Variants in MED13L observed in about 807,000 individuals in gnomAD.
MED13L encodes the protein mediator of RNA polymerase II transcription subunit 13-like.
In MED13L, 7 loss-of-function variants were observed where a neutral mutation model predicts 220.9. That is an observed-to-expected ratio of 0.03 (90% CI 0.02 to 0.06). The LOEUF (loss-of-function observed/expected upper bound fraction) is 0.06, where lower values mean the gene tolerates loss of function less well. Ranked by LOEUF, MED13L falls within the 10% of genes least tolerant of loss-of-function variation. MED13L has a pLI of 1.00. For synonymous variants in MED13L, 1,011 were observed against 1,015.2 expected, an observed-to-expected ratio of 1.00 and a Z score of 0.08; for missense variants, 1,965 against 2,760.5, an observed-to-expected ratio of 0.71 and a Z score of 6.46.
At chr12:116,067,356 G>A (rs1405803826) in intron 4 of MED13L, among the ~76,000 whole-genome samples, 2 of 152,110 alleles carry the variant, frequency 1.3e-5, no homozygotes, top group Non-Finnish European at 1.5e-5. Flanking sequence ...CATATATGAA[G>A]TTGGAATTTT....
At chr12:116,100,953 T>C (rs139931729) in intron 3 of MED13L, among the ~76,000 whole-genome samples, 74 of 152,214 alleles carry the variant, frequency 4.9e-4, no homozygotes, top group African/African-American at 1.7e-3. Context: ...TGAAAGCCAC[T>C]ATAAATTCTG....
intron 4 of MED13L, among the ~76,000 whole-genome samples, chr12:116,092,753 G>A (rs1001204660): frequency 2.0e-5 from 3 of 152,108 alleles, no homozygotes; most frequent in Admixed American, 2.0e-4. Context: ...TACTTTCAGT[G>A]TGTATGGGTA....
At chr12:116,053,488 C>T (rs1868684372) in intron 4 of MED13L, among the ~76,000 whole-genome samples, 1 of 152,128 alleles carries the variant, frequency 6.6e-6, no homozygotes, top group South Asian at 2.1e-4. Context: ...GAAAGGAAGG[C>T]TATCCAGGAA....
Position 116,085,365 on chromosome 12 carries a change from G to A in MED13L, c.479+11304C>T, listed in dbSNP as rs144735886. On this transcript the variant is annotated intron_variant, in intron 4 of 30. Coordinates refer to ENST00000281928, the MANE Select transcript of MED13L (RefSeq NM_015335.5). Reference sequence around the variant, plus strand: ...AACCATACAAAACCAATAATTATAAGAATCAAAGATCTCAACCCAATTAGA... The same window carrying A: ...AACCATACAAAACCAATAATTATAAAAATCAAAGATCTCAACCCAATTAGA... Among the ~76,000 whole-genome samples the A allele has an allele frequency of 9.7e-3, 1,471 of 152,144 alleles. 25 individuals are homozygous for A. Among genetic ancestry groups the A allele is most frequent in the African/African-American group, 0.033 (1,380 of 41,516 alleles).
At chr12:115,984,765 C>T (rs1207925016) in intron 19 of MED13L, among the ~76,000 whole-genome samples, 2 of 152,124 alleles carry the variant, frequency 1.3e-5, no homozygotes, top group African/African-American at 4.8e-5. Flanking sequence ...ATAATATTTT[C>T]CCATAAGATA....
chr12:116,276,139 C>T (rs994969808), intron 1 of MED13L, among the ~76,000 whole-genome samples: 9 of 152,150 alleles, frequency 5.9e-5, no homozygotes, highest in Non-Finnish European at 8.8e-5. Flanking sequence ...ATCTAGACAC[C>T]GTCGGCGGGT....
intron 23 of MED13L, among the ~76,000 whole-genome samples, chr12:115,976,685 C>G (rs1346532836): frequency 2.0e-5 from 3 of 151,986 alleles, no homozygotes; most frequent in African/African-American, 7.3e-5. Context: ...CAGTTGTTAC[C>G]AAATATAAAT....
At chr12:116,182,869 C>T (rs1159786449) in intron 2 of MED13L, among the ~76,000 whole-genome samples, 1 of 152,170 alleles carries the variant, frequency 6.6e-6, no homozygotes, top group Non-Finnish European at 1.5e-5. Context: ...ACTTTGATCA[C>T]CCTGCTAACA....
chr12:116,037,352 T>A (rs1881252564), intron 4 of MED13L, among the ~76,000 whole-genome samples: 1 of 152,190 alleles, frequency 6.6e-6, no homozygotes, highest in Non-Finnish European at 1.5e-5. Context: ...AAAATATTTT[T>A]AAAATATTGT....
chr12:116,135,486 C>T (rs1593085018), intron 2 of MED13L, among the ~76,000 whole-genome samples: 2 of 152,186 alleles, frequency 1.3e-5, no homozygotes, highest in Non-Finnish European at 2.9e-5. Context: ...GTCGAGACAT[C>T]ACAGTGCTGA....
Position 116,237,576 on chromosome 12 carries a change from G to T in MED13L, c.202C>A (p.Leu68Met). 1 of 1,614,184 alleles carries T rather than the reference G, an allele frequency of 6.2e-7. No homozygotes were observed. The highest frequency in any genetic ancestry group is 1.1e-5 in the South Asian group (1 of 91,088). ...LSFIRCLQAN[L>M]LCVWRRDVKP... Reference sequence around the variant, plus strand: ...ACATCACGACGCCATACACAAAGCAGGTTAGCTTGCAGACAGCGGATGAAA... The same window carrying T: ...ACATCACGACGCCATACACAAAGCATGTTAGCTTGCAGACAGCGGATGAAA... The change falls in exon 2 of 31, where the codon CTG becomes ATG. Residue 68 changes from leucine to methionine, a missense_variant. Physicochemically the swap from Leu to Met is conservative, Grantham distance 15. Transcript: ENST00000281928.
rs925229563 is a variant in MED13L at position 116,214,729 on chromosome 12, C to G, written c.310+22739G>C. On this transcript the variant is annotated intron_variant, in intron 2 of 30. Transcript: ENST00000281928. ...ACTCAACATGCTCAGAAGCAAAAAACCAGTACAGTTCACATTGCAACTAAA... is the reference window on the plus strand; with the variant it reads ...ACTCAACATGCTCAGAAGCAAAAAAGCAGTACAGTTCACATTGCAACTAAA... 7.9e-5 allele frequency among the ~76,000 whole-genome samples: 12 copies of G among 152,204 alleles called. No homozygotes were observed. The East Asian group carries it at 1.5e-3, about 20-fold the overall frequency.
At chr12:116,102,838 C>T (rs1873208662) in intron 3 of MED13L, among the ~76,000 whole-genome samples, 1 of 149,282 alleles carries the variant, frequency 6.7e-6, no homozygotes, top group Admixed American at 6.8e-5. Context: ...TCTCCTGCCT[C>T]AGCCTCCTGA....
intron 4 of MED13L, among the ~76,000 whole-genome samples, chr12:116,075,618 A>G (rs1167157503): frequency 6.6e-6 from 1 of 152,208 alleles, no homozygotes; most frequent in East Asian, 1.9e-4. Context: ...TCCAACTTGA[A>G]GCTGTGCTAC....
Position 116,008,702 on chromosome 12 carries a change from A to T in MED13L, c.1711T>A (p.Leu571Met), listed in dbSNP as rs1293738061. The T allele has an allele frequency of 3.7e-6, 6 of 1,613,894 alleles. No homozygotes were observed. The highest frequency in any genetic ancestry group is 5.1e-6 in the Non-Finnish European group (6 of 1,179,980). ...TTCACAGGGACCGATGGTGGGTCCA[A>T]ACTCTCTGTTTCCTGACCTCGTGGC... ...PQPRGQETES[L>M]DPPSVPVNPA... The change falls in exon 10 of 31, where the codon TTG becomes ATG. Residue 571 changes from leucine to methionine, a missense_variant. Around this residue, in one of 10 missense-constraint regions of MED13L, gnomAD observed 818 missense variants for 1,041.2 expected, o/e 0.79. Coordinates refer to ENST00000281928, the MANE Select transcript of MED13L (RefSeq NM_015335.5).
intron 1 of MED13L, chr12:116,276,710 C>CGGGGGGAAAAAAA: frequency 2.6e-6 from 3 of 1,148,890 alleles, no homozygotes; most frequent in Non-Finnish European, 3.2e-6. Flanking sequence ...TCCACATTTA[C>CGGGGGGAAAAAAA]GGGGGGAAAA....
rs762781960 is a variant in MED13L, at chr12:116,027,469, C to T, written c.480-4868G>A. On this transcript the variant is annotated intron_variant, in intron 4 of 30. Coordinates refer to ENST00000281928, the MANE Select transcript of MED13L (RefSeq NM_015335.5). ...CAATCCCTAATAATTTTGGTTCCCT[C>T]GGGGAATGAAACGGCATGACTAAAG... Among the ~76,000 whole-genome samples the T allele has an allele frequency of 2.6e-5, 4 of 152,124 alleles. No homozygotes were observed. In the South Asian group the frequency reaches 8.3e-4, roughly 32 times the overall value.
intron 5 of MED13L, 50 bp from the exon 6 acceptor site, chr12:116,020,022 A>C: frequency 6.6e-7 from 1 of 1,510,602 alleles, no homozygotes; most frequent in Non-Finnish European, 9.2e-7. Flanking sequence ...AATAATTCCT[A>C]CTTAAGTGCA....
At chr12:116,054,761 AAGTTGGTACAGCC>A (rs1395924375) in intron 4 of MED13L, among the ~76,000 whole-genome samples, 2 of 152,232 alleles carry the variant, frequency 1.3e-5, no homozygotes, top group African/African-American at 4.8e-5. Context: ...GTGAGAATCT[AAGTTGGTACAGCC>A]AGTTTGGAAA....
Sources: allele counts gnomAD v4.1 joint callset (sites outside exome capture counted in the v4.1 genomes callset), GRCh38; gene constraint gnomAD v4.1.1; regional missense constraint gnomAD v4.1.1; transcripts MANE v1.5; gene names NCBI Gene and HGNC (gene_info 2026-07-23, HGNC 2026-07-21).